Variants in POLH observed in about 807,000 individuals in gnomAD.
POLH encodes DNA polymerase eta.
In POLH, 53 loss-of-function variants were observed where a neutral mutation model predicts 73.6. That is an observed-to-expected ratio of 0.72 (90% CI 0.58 to 0.91). The LOEUF is 0.91. POLH is among the 40% of genes least tolerant of loss of function. The probability of loss-of-function intolerance (pLI) is 0.00; values close to 1 mark genes in which losing one functional copy is unlikely to be tolerated. For synonymous variants in POLH, 292 were observed against 308.5 expected (o/e 0.95, Z 0.56); for missense variants, 768 against 865.4 (o/e 0.89, Z 1.41).
chr6:43,597,737 C>G lies in POLH; in HGVS notation c.532C>G (p.Leu178Val), dbSNP rs569896052. 2.7e-5 allele frequency: 43 copies of G among 1,614,038 alleles called. No homozygotes were observed. Among genetic ancestry groups the G allele is most frequent in the South Asian group, 3.3e-5 (3 of 91,078 alleles). ...KQGLFQWLDSLQIDNLTSPDL... is the reference protein window; with the variant it reads ...KQGLFQWLDSVQIDNLTSPDL... Reference sequence around the variant, plus strand: ...AGGCTTATTTCAATGGCTCGATTCTCTTCAGATTGATAACCTCACCTCTCC... The same window carrying G: ...AGGCTTATTTCAATGGCTCGATTCTGTTCAGATTGATAACCTCACCTCTCC... Residue 178 changes from leucine (L) to valine (V), a missense_variant, in exon 5 of 11, where the codon CTT becomes GTT. Transcript: ENST00000372236.
chr6:43,614,631 T>G lies in POLH; in HGVS notation c.*74T>G. 2 of 1,306,592 alleles carry G rather than the reference T, an allele frequency of 1.5e-6. No individual in the cohort carries two copies. Among genetic ancestry groups the G allele is most frequent in the Non-Finnish European group, 2.1e-6 (2 of 939,820 alleles). 80.9% of individuals were successfully genotyped at this position (1,306,592 alleles called of 1,614,324 possible). A position where few individuals can be genotyped will look rare whatever the true frequency, so the allele number is the denominator to read the frequency against. On this transcript the variant is annotated 3_prime_UTR_variant, in exon 11 of 11. Transcript: ENST00000372236. ...GATCTTTATCTTTAATATTTTATCT[T>G]TACAGATTTCCCTGAGAAAGGGAAT...
intron 1 of POLH, among the ~76,000 whole-genome samples, chr6:43,577,232 C>G (rs533921670): frequency 6.6e-6 from 1 of 152,198 alleles, no homozygotes; most frequent in Admixed American, 6.5e-5. Flanking sequence ...AACGGAAAAC[C>G]TCAACAGCTT....
chr6:43,582,989 T>C lies in POLH; in HGVS notation c.138-18T>C. Reference sequence around the variant, plus strand: ...ATCATATAATATGTTTTCTGTTTCCTTTTTTTTCTAACCTTAGAATAATTG... The same window carrying C: ...ATCATATAATATGTTTTCTGTTTCCCTTTTTTTCTAACCTTAGAATAATTG... On this transcript the variant is annotated intron_variant, in intron 2 of 10. Transcript: ENST00000372236. The C allele has an allele frequency of 1.3e-6, 2 of 1,598,404 alleles. No homozygotes were observed. The highest frequency in any genetic ancestry group is 1.7e-6 in the Non-Finnish European group (2 of 1,167,168).
intron 4 of POLH, among the ~76,000 whole-genome samples, chr6:43,594,596 A>C (rs574582322): frequency 1.1e-3 from 162 of 152,174 alleles, no homozygotes; most frequent in African/African-American, 3.3e-3. Flanking sequence ...AGTCCCAGCT[A>C]CTCCGGAGGC....
rs973591123 is a variant in POLH, at chr6:43,619,414, G to T, written c.*4857G>T. Among the ~76,000 whole-genome samples, 8 of 146,012 alleles carry T rather than the reference G, an allele frequency of 5.5e-5. No individual in the cohort carries two copies. The highest frequency in any genetic ancestry group is 1.8e-4 in the African/African-American group (7 of 39,718). ...AAAAAAGACTACATTCACTGTATAC[G>T]TGGCCTTTTCCCCCTAACTAGCTAT... On this transcript the variant is annotated 3_prime_UTR_variant, in exon 11 of 11. Coordinates refer to ENST00000372236, the MANE Select transcript of POLH (RefSeq NM_006502.3).
intron 10 of POLH, among the ~76,000 whole-genome samples, chr6:43,612,863 G>A (rs1368770559): frequency 3.4e-5 from 5 of 148,630 alleles, no homozygotes; most frequent in African/African-American, 1.0e-4. Context: ...GTGCAGTGGC[G>A]CAATCTCCGC....
intron 4 of POLH, among the ~76,000 whole-genome samples, chr6:43,591,990 C>T (rs1173533232): frequency 6.6e-6 from 1 of 152,096 alleles, no homozygotes; most frequent in African/African-American, 2.4e-5. Flanking sequence ...CTTTTCTTAC[C>T]TATGTACATT....
At chr6:43,605,878 C>T (rs374564909) in intron 9 of POLH, among the ~76,000 whole-genome samples, 1 of 151,738 alleles carries the variant, frequency 6.6e-6, no homozygotes, top group Non-Finnish European at 1.5e-5. Flanking sequence ...CCACCACACC[C>T]GGCTAATTTT....
chr6:43,608,496 C>G (rs1399868938), intron 9 of POLH, among the ~76,000 whole-genome samples: 1 of 152,226 alleles, frequency 6.6e-6, no homozygotes, highest in Non-Finnish European at 1.5e-5. Flanking sequence ...TTTCTCATCT[C>G]TCTCTAAGTC....
rs1768389798 is a variant in POLH at position 43,617,003 on chromosome 6, A to G, written c.*2446A>G. 6.6e-6 allele frequency among the ~76,000 whole-genome samples: 1 copy of G among 152,238 alleles called. No individual in the cohort carries two copies. The highest frequency in any genetic ancestry group is 2.1e-4 in the South Asian group (1 of 4,830). ...TCAGGAGTTCAAGACAAGCATGGCC[A>G]ACATGGCGAAACCCTGTATCTACTA... On this transcript the variant is annotated 3_prime_UTR_variant, in exon 11 of 11. Transcript: ENST00000372236.
At chr6:43,607,695 G>A (rs1265021220) in intron 9 of POLH, among the ~76,000 whole-genome samples, 2 of 152,164 alleles carry the variant, frequency 1.3e-5, no homozygotes, top group Non-Finnish European at 2.9e-5. Context: ...ATGTAAGAGG[G>A]TTCCAATTTT....
intron 5 of POLH, among the ~76,000 whole-genome samples, chr6:43,599,350 G>A (rs1766475099): frequency 6.6e-6 from 1 of 152,008 alleles, no homozygotes; most frequent in Non-Finnish European, 1.5e-5. Flanking sequence ...TTATGCTTTT[G>A]CCTATTCCCT....
chr6:43,616,482 G>C lies in POLH; in HGVS notation c.*1925G>C, dbSNP rs552157109. On this transcript the variant is annotated 3_prime_UTR_variant, in exon 11 of 11. Coordinates refer to ENST00000372236, the MANE Select transcript of POLH (RefSeq NM_006502.3). ...CAGGCGCCTGTAATCCCAGGTACTC[G>C]GGAGACTGAGGCAGGAGAATTGCTT... is the stretch of plus-strand genomic sequence containing the variant. Among the ~76,000 whole-genome samples the C allele has an allele frequency of 7.3e-4, 111 of 151,690 alleles. No individual in the cohort carries two copies. The highest frequency in any genetic ancestry group is 2.6e-3 in the African/African-American group (107 of 41,338).
At chr6:43,604,073 C>A (rs537459566) in intron 7 of POLH, 62 bp downstream of exon 7, 2 of 1,329,966 alleles carry the variant, frequency 1.5e-6, no homozygotes, top group Non-Finnish European at 2.2e-6. Context: ...CAAATATAGA[C>A]AAAACCATCT....
intron 5 of POLH, among the ~76,000 whole-genome samples, chr6:43,599,326 A>ATTGCCTGGGTATTTTATGCTT (rs1766472054): frequency 6.6e-6 from 1 of 152,046 alleles, no homozygotes; most frequent in African/African-American, 2.4e-5. Context: ...GTTATGTGGA[A>ATTGCCTGGGTATTTTATGCTT]TTGCCTGGGT....
intron 1 of POLH, among the ~76,000 whole-genome samples, chr6:43,580,166 C>G (rs1763863886): frequency 6.8e-6 from 1 of 147,194 alleles, no homozygotes; most frequent in African/African-American, 2.6e-5. Context: ...CTTACACCGC[C>G]CTTAATCCAT....
At chr6:43,601,545 C>T (rs796578473) in intron 6 of POLH, among the ~76,000 whole-genome samples, 63 of 151,788 alleles carry the variant, frequency 4.2e-4, no homozygotes, top group African/African-American at 1.5e-3. Flanking sequence ...GGATTACAGG[C>T]GTGAGCCACT....
At position 43,583,034 on chromosome 6, in the gene POLH, T is replaced by C. The variant is rs749096701; in HGVS notation, c.165T>C (p.Arg55=). Residue 55 remains arginine, a synonymous_variant, in exon 3 of 11, where the codon CGT becomes CGC. Coordinates refer to ENST00000372236, the MANE Select transcript of POLH (RefSeq NM_006502.3). ...TAATTGCAGTGAGTTATGAAGCTCG[T>C]GCATTTGGAGTCACTAGAAGTATGT... ...GGIIAVSYEA[R]AFGVTRSMWA... 22 of 1,613,702 alleles carry C rather than the reference T, an allele frequency of 1.4e-5. No individual in the cohort carries two copies. The highest frequency in any genetic ancestry group is 1.8e-5 in the Non-Finnish European group (21 of 1,179,738).
intron 9 of POLH, among the ~76,000 whole-genome samples, chr6:43,608,534 TC>T (rs1767542716): frequency 6.6e-6 from 1 of 152,204 alleles, no homozygotes; most frequent in Non-Finnish European, 1.5e-5. Context: ...CACTTTTTTT[TC>T]CTAAGAGACA....
Sources: allele counts gnomAD v4.1 joint callset (sites outside exome capture counted in the v4.1 genomes callset), GRCh38; gene constraint gnomAD v4.1.1; transcripts MANE v1.5; gene names NCBI Gene and HGNC (gene_info 2026-07-23, HGNC 2026-07-21).